PHKG1: variants seen among roughly 807,000 people sequenced by gnomAD.
The protein encoded by PHKG1 is phosphorylase b kinase gamma catalytic chain, skeletal muscle/heart isoform.
Under a neutral mutation model 50.5 loss-of-function variants are expected in PHKG1, and 48 were observed. The ratio of observed to expected loss-of-function variants is 0.95; its 90% CI spans 0.75 to 1.21. The LOEUF is 1.21. PHKG1 is among the 50% of genes most tolerant of loss of function. The pLI is 0.00. For synonymous variants in PHKG1, 204 were observed against 212.8 expected (o/e 0.96, Z 0.36); for missense variants, 487 against 519.5 (o/e 0.94, Z 0.61).
Position 56,080,968 on chromosome 7 carries a change from C to G in PHKG1, c.*86G>C, listed in dbSNP as rs1795943527. 1 of 1,489,562 alleles carries G rather than the reference C, an allele frequency of 6.7e-7. No homozygotes were observed. The highest frequency in any genetic ancestry group is 9.1e-7 in the Non-Finnish European group (1 of 1,093,626). 92.3% of individuals were successfully genotyped at this position (1,489,562 alleles called of 1,614,324 possible). On this transcript the variant is annotated 3_prime_UTR_variant, in exon 10 of 10. Transcript: ENST00000297373. ...GGGCCAAGTGCTCCTTCTGCAGAGG[C>G]CTGCACGCATCTCACCCCTTTGACT... is the stretch of plus-strand genomic sequence containing the variant.
intron 2 of PHKG1, among the ~76,000 whole-genome samples, 187 bp from the exon 3 acceptor site, chr7:56,087,963 G>A (rs1438905684): frequency 6.8e-6 from 1 of 146,898 alleles, no homozygotes; most frequent in Non-Finnish European, 1.5e-5. Context: ...CAGAACTGGT[G>A]AGTAACAAGC....
In PHKG1 at chr7:56,082,056, C is replaced by G. The variant is rs367729730; in HGVS notation, c.639-10G>C. 1.9e-6 allele frequency: 3 copies of G among 1,611,252 alleles called. No individual in the cohort carries two copies. The highest frequency in any genetic ancestry group is 2.5e-6 in the Non-Finnish European group (3 of 1,177,844). On this transcript the variant is annotated splice_polypyrimidine_tract_variant and intron_variant, in intron 7 of 9. Coordinates refer to ENST00000297373, the MANE Select transcript of PHKG1 (RefSeq NM_006213.5). ...GACGCCAGTGCTCCACCTGGACATGCGAGGGCCCAGGGCCACTTACCCAGC... is the reference window on the plus strand; with the variant it reads ...GACGCCAGTGCTCCACCTGGACATGGGAGGGCCCAGGGCCACTTACCCAGC...
chr7:56,082,228 C>T lies in PHKG1; in HGVS notation c.573G>A (p.Leu191=), dbSNP rs1435322298. ...TGGAGCACTCGATAATCTCAGGGGCCAGGTAACTGGGGGTCCCGCAGACCT... is the reference window on the plus strand; with the variant it reads ...TGGAGCACTCGATAATCTCAGGGGCTAGGTAACTGGGGGTCCCGCAGACCT... ...LREVCGTPSY[L]APEIIECSMN... The change falls in exon 7 of 10, where the codon CTG becomes CTA. Residue 191 remains leucine, a synonymous_variant. Coordinates refer to ENST00000297373, the MANE Select transcript of PHKG1 (RefSeq NM_006213.5). 6.2e-7 allele frequency: 1 copy of T among 1,613,774 alleles called. No individual in the cohort carries two copies. Among genetic ancestry groups the T allele is most frequent in the South Asian group, 1.1e-5 (1 of 91,084 alleles).
In PHKG1 at chr7:56,086,951, T is replaced by A. The variant is rs1216710381; in HGVS notation, c.317+19A>T. 6.2e-7 allele frequency: 1 copy of A among 1,605,090 alleles called. No homozygotes were observed. Among genetic ancestry groups the A allele is most frequent in the East Asian group, 2.2e-5 (1 of 44,810 alleles). On this transcript the variant is annotated intron_variant, in intron 4 of 9. Transcript: ENST00000297373. ...GGAGGTTCTCTCAGGTGTGGCTTGC[T>A]CCAGTGCTGGGTACTTACAGGTCAA...
chr7:56,081,417 C>T lies in PHKG1; in HGVS notation c.919-118G>A, dbSNP rs11238392. The T allele has an allele frequency of 0.21, 277,390 of 1,347,918 alleles. 30,435 individuals carry two copies. The highest frequency in any genetic ancestry group is 0.26 in the Middle Eastern group (965 of 3,784). The allele number at this position is 1,347,918 out of a possible 1,614,324, so 83.5% of individuals were successfully genotyped here. A position where few individuals can be genotyped will look rare whatever the true frequency, so the allele number is the denominator to read the frequency against. On this transcript the variant is annotated intron_variant, in intron 9 of 9. Coordinates refer to ENST00000297373, the MANE Select transcript of PHKG1 (RefSeq NM_006213.5). This position sits in a 1 kb window ranked among gnomAD's most constrained non-coding sequence, Gnocchi z 4.6. ...AAGCCTTGGGTGGCTTCTGCGGGGC[C>T]TTCCTAGTGTCCCCCACTTCCCACT...
At chr7:56,086,943 T>G in intron 4 of PHKG1, 27 bp downstream of exon 4, 1 of 1,593,852 alleles carries the variant, frequency 6.3e-7, no homozygotes, top group Non-Finnish European at 8.6e-7. Flanking sequence ...CTCTCAGGTG[T>G]GGCTTGCTCC....
At position 56,084,498 on chromosome 7, in the gene PHKG1, C is replaced by T. The variant is rs547019970; in HGVS notation, c.318-783G>A. ...AAGCAATTCTCCTACCTCAGCCTCC[C>T]GAGTAGCTGGGATTACAGGTGCCCA... On this transcript the variant is annotated intron_variant, in intron 4 of 9. Transcript: ENST00000297373. Among the ~76,000 whole-genome samples, 9 of 151,752 alleles carry T rather than the reference C, an allele frequency of 5.9e-5. No individual in the cohort carries two copies. In the East Asian group the frequency reaches 7.8e-4, roughly 13 times the overall value.
At chr7:56,083,592 T>A in intron 5 of PHKG1, 58 bp downstream of exon 5, 1 of 1,508,892 alleles carries the variant, frequency 6.6e-7, no homozygotes. Flanking sequence ...GAGACCCCAG[T>A]GCCTGTGGCC....
chr7:56,082,300 G>A, intron 6 of PHKG1, 47 bp from the exon 7 acceptor site: 1 of 1,482,148 alleles, frequency 6.7e-7, no homozygotes, highest in South Asian at 1.1e-5. Flanking sequence ...GCACTCAGAA[G>A]AGGAAGTCCA....
At chr7:56,092,793 G>C (rs1796538291) in intron 1 of PHKG1, 43 bp downstream of exon 1, 1 of 152,196 alleles carries the variant, frequency 6.6e-6, no homozygotes. Context: ...CCCGCTCCCT[G>C]CCTATCACCT....
rs1285545411 is a variant in PHKG1 at position 56,081,364 on chromosome 7, C to T, written c.919-65G>A. ...CCTGCCAGGCCCTGCCCCTCCAGCA[C>T]AGGGACGCTCTGGGCTCGTTTGCCA... On this transcript the variant is annotated intron_variant, in intron 9 of 9. Transcript: ENST00000297373. The surrounding 1 kb of genome is among the most constrained non-coding windows in gnomAD (Gnocchi z 4.6). The T allele has an allele frequency of 1.6e-5, 25 of 1,536,928 alleles. No individual in the cohort carries two copies. The highest frequency in any genetic ancestry group is 2.2e-5 in the Non-Finnish European group (25 of 1,146,994).
chr7:56,083,120 A>AAT, intron 6 of PHKG1, 158 bp downstream of exon 6: 1 of 642,444 alleles, frequency 1.6e-6, no homozygotes, highest in Non-Finnish European at 2.6e-6. Context: ...AAAAAAAAAA[A>AAT]GAAAGAAAAA....
chr7:56,087,153 G>A (rs1395663199), intron 3 of PHKG1, 129 bp from the exon 4 acceptor site: 2 of 709,284 alleles, frequency 2.8e-6, no homozygotes, highest in African/African-American at 1.8e-5. Context: ...TCAGGAGGGT[G>A]CTCAAAGACG....
rs1795971994 is a variant in PHKG1, at chr7:56,081,297, C to T, written c.921G>A (p.Val307=). 7 of 1,607,092 alleles carry T rather than the reference C, an allele frequency of 4.4e-6. No individual in the cohort carries two copies. The East Asian group carries it at 1.6e-4, about 36-fold the overall frequency. Residue 307 remains valine (V), a splice_region_variant and synonymous_variant, in exon 10 of 10, where the codon GTG becomes GTA. Coordinates refer to ENST00000297373, the MANE Select transcript of PHKG1 (RefSeq NM_006213.5). The surrounding 1 kb of genome is among the most constrained non-coding windows in gnomAD (Gnocchi z 4.6). ...CTGAAGCCAGCACGGTCAGAGCGAT[C>T]ACCTGCAGGGCCAGGCGGAGAAGCT... ...RHFSPRGKFK[V]IALTVLASVR...
At position 56,081,907 on chromosome 7, in the gene PHKG1, T is replaced by C; in HGVS notation, c.778A>G (p.Thr260Ala). The change falls in exon 8 of 10, where the codon ACC becomes GCC. Residue 260 changes from threonine to alanine, a missense_variant. By Grantham distance (58) the Thr-to-Ala change is moderately conservative. Coordinates refer to ENST00000297373, the MANE Select transcript of PHKG1 (RefSeq NM_006213.5). This position sits in a 1 kb window ranked among gnomAD's most constrained non-coding sequence, Gnocchi z 4.6. ...TGGCCTCTCACCAGGTCCTTCACGG[T>C]GTCCGAGTAATCATCCCACTCGGGC... ...GSPEWDDYSD[T>A]VKDLVSRFLV... 4 of 1,613,546 alleles carry C rather than the reference T, an allele frequency of 2.5e-6. No homozygotes were observed. Among genetic ancestry groups the C allele is most frequent in the Non-Finnish European group, 3.4e-6 (4 of 1,179,950 alleles).
Position 56,084,407 on chromosome 7 carries a change from C to G in PHKG1, c.318-692G>C, listed in dbSNP as rs961014216. On this transcript the variant is annotated intron_variant, in intron 4 of 9. Coordinates refer to ENST00000297373, the MANE Select transcript of PHKG1 (RefSeq NM_006213.5). ...TTTTTTTTTTGAGATGGAGTTTTTG[C>G]TCATCACCCAGGCTGGAGTGCAATG... Among the ~76,000 whole-genome samples the G allele has an allele frequency of 5.3e-5, 7 of 132,840 alleles. 1 individual carries two copies. Among genetic ancestry groups the G allele is most frequent in the African/African-American group, 2.0e-4 (7 of 34,744 alleles). 87.1% of individuals were successfully genotyped at this position (132,840 alleles called of 152,430 possible).
rs758444828 is a variant in PHKG1 at position 56,084,217 on chromosome 7, C to T, written c.318-502G>A. On this transcript the variant is annotated intron_variant, in intron 4 of 9. Coordinates refer to ENST00000297373, the MANE Select transcript of PHKG1 (RefSeq NM_006213.5). ...CCCAGCCCAAGCACCATTTCTGTTC[C>T]ATCTCCATTGTATCAGTGTCTTCCC... 7.8e-6 allele frequency: 12 copies of T among 1,533,468 alleles called. No individual in the cohort carries two copies. The East Asian group carries it at 2.9e-4, about 37-fold the overall frequency. The allele number at this position is 1,533,468 out of a possible 1,614,324, so 95.0% of individuals were successfully genotyped here. A position where few individuals can be genotyped will look rare whatever the true frequency, so the allele number is the denominator to read the frequency against.
chr7:56,087,664 C>A lies in PHKG1; in HGVS notation c.196G>T (p.Glu66Ter). ...GGSFSPEEVR[E>*]LREATLKEVD... The stretch of plus-strand genomic sequence containing the variant: ...TCCTTCAGCGTGGCTTCTCGCAGCT[C>A]CCGCACCTCCTCCGGGCTGAAGCTG... Residue 66 changes from glutamate (E) to a stop codon, truncating the protein, a stop_gained, in exon 3 of 10, where the codon GAG becomes TAG. Transcript: ENST00000297373. LOFTEE classifies it high-confidence loss of function. The A allele has an allele frequency of 1.9e-6, 3 of 1,613,978 alleles. No homozygotes were observed. The highest frequency in any genetic ancestry group is 2.5e-6 in the Non-Finnish European group (3 of 1,180,008).
intron 4 of PHKG1, among the ~76,000 whole-genome samples, chr7:56,084,431 T>C (rs1267179397): frequency 1.4e-5 from 2 of 147,480 alleles, no homozygotes; most frequent in African/African-American, 5.0e-5. Context: ...TGGAGTGCAA[T>C]GATGCAATCT....
Sources: allele counts gnomAD v4.1 joint callset (sites outside exome capture counted in the v4.1 genomes callset), GRCh38; gene constraint gnomAD v4.1.1; non-coding constraint Gnocchi (gnomAD v3.1); transcripts MANE v1.5; gene names NCBI Gene and HGNC (gene_info 2026-07-23, HGNC 2026-07-21).